RALGPS1: variants seen among roughly 807,000 people sequenced by gnomAD.
RALGPS1 encodes the protein ras-specific guanine nucleotide-releasing factor RalGPS1.
Under a neutral mutation model 78.8 loss-of-function variants are expected in RALGPS1, and 19 were observed. That is an observed-to-expected ratio of 0.24 (90% confidence interval 0.17 to 0.35). The LOEUF (loss-of-function observed/expected upper bound fraction) is 0.35. Among genes scored for constraint, RALGPS1 ranks in the 10% least tolerant of loss-of-function variants. The pLI is 1.00. For synonymous variants in RALGPS1, 228 were observed against 256.3 expected (o/e 0.89, Z 1.06); for missense variants, 454 against 688.3 (o/e 0.66, Z 3.81).
chr9:127,050,697 ATC>A (rs2048231948), intron 6 of RALGPS1, among the ~76,000 whole-genome samples: 3 of 150,548 alleles, frequency 2.0e-5, no homozygotes, highest in Non-Finnish European at 4.4e-5. Context: ...CTTTTCCCTT[ATC>A]TCTAGGAATG....
At chr9:126,994,279 GA>G (rs60890580) in intron 4 of RALGPS1, among the ~76,000 whole-genome samples, 88,772 of 151,536 alleles carry the variant, frequency 0.59, 30,081 homozygotes, top group East Asian at 0.81. Flanking sequence ...TAAAAGCTTT[GA>G]AAAAAAAATT....
intron 7 of RALGPS1, among the ~76,000 whole-genome samples, chr9:127,058,892 C>G (rs1436505943): frequency 1.3e-5 from 2 of 152,200 alleles, no homozygotes; most frequent in Non-Finnish European, 2.9e-5. Flanking sequence ...AAGAGTTTGA[C>G]TCATTTGCAG....
intron 11 of RALGPS1, among the ~76,000 whole-genome samples, 174 bp from the exon 12 acceptor site, chr9:127,194,917 A>G (rs1275324669): frequency 6.6e-6 from 1 of 152,158 alleles, no homozygotes; most frequent in Non-Finnish European, 1.5e-5. Context: ...TGAAGGATCA[A>G]TATCTAATGA....
At chr9:127,018,777 A>C (rs929279617) in intron 4 of RALGPS1, among the ~76,000 whole-genome samples, 2 of 152,090 alleles carry the variant, frequency 1.3e-5, no homozygotes, top group Non-Finnish European at 2.9e-5. Context: ...CCTTTATGTG[A>C]CTGGTAGCAC....
At chr9:127,124,125 C>G (rs1214860860) in intron 8 of RALGPS1, among the ~76,000 whole-genome samples, 2 of 152,184 alleles carry the variant, frequency 1.3e-5, no homozygotes, top group African/African-American at 2.4e-5. Flanking sequence ...GACACTTCAC[C>G]CATGGAGCGG....
intron 9 of RALGPS1, among the ~76,000 whole-genome samples, chr9:127,167,939 C>G (rs915685751): frequency 7.9e-5 from 12 of 152,240 alleles, no homozygotes; most frequent in Non-Finnish European, 1.6e-4. Context: ...ACGGGCAACA[C>G]CGTGTGGCAG....
intron 5 of RALGPS1, among the ~76,000 whole-genome samples, chr9:127,038,481 G>A (rs960572148): frequency 2.0e-5 from 3 of 152,198 alleles, no homozygotes; most frequent in African/African-American, 7.2e-5. Flanking sequence ...GGGAGACAAT[G>A]TTAGCATTCT....
chr9:126,920,092 T>C (rs548976361), intron 1 of RALGPS1, among the ~76,000 whole-genome samples: 84 of 152,256 alleles, frequency 5.5e-4, no homozygotes, highest in African/African-American at 2.0e-3. Flanking sequence ...CCTGTGTCTC[T>C]ACTCTGCACA....
chr9:127,080,658 T>C (rs1415715560), intron 8 of RALGPS1, among the ~76,000 whole-genome samples: 4 of 152,250 alleles, frequency 2.6e-5, no homozygotes, highest in Admixed American at 6.5e-5. Flanking sequence ...GGGCAACGTG[T>C]TGGATATCGC....
rs570324618 is a variant in RALGPS1, at chr9:126,977,551, C to T, written c.166-144C>T. ...TGGGAGAGGCATTTCAGAAATGTAT[C>T]CAATTTTTTACTCTATTTGGTCTTG... On this transcript the variant is annotated intron_variant, in intron 3 of 18. Transcript: ENST00000259351. 243 of 447,098 alleles carry T rather than the reference C, an allele frequency of 5.4e-4. 1 individual carries two copies. Among genetic ancestry groups the T allele is most frequent in the Non-Finnish European group, 7.0e-4 (180 of 257,700 alleles). The allele number at this position is 447,098 out of a possible 1,614,324, so 27.7% of individuals were successfully genotyped here. A position where few individuals can be genotyped will look rare whatever the true frequency, so the allele number is the denominator to read the frequency against.
chr9:127,180,525 G>A (rs1364900743), intron 11 of RALGPS1, among the ~76,000 whole-genome samples: 2 of 152,246 alleles, frequency 1.3e-5, no homozygotes, highest in Non-Finnish European at 2.9e-5. Context: ...TGGAGAAATA[G>A]GAATAGGAAT....
chr9:127,048,552 G>A (rs948210138), intron 5 of RALGPS1, among the ~76,000 whole-genome samples: 2 of 152,162 alleles, frequency 1.3e-5, no homozygotes, highest in Non-Finnish European at 2.9e-5. Flanking sequence ...CTGCTGAATC[G>A]AGTTGTTGAC....
chr9:127,067,475 A>G (rs371032013), intron 7 of RALGPS1, among the ~76,000 whole-genome samples: 26 of 152,296 alleles, frequency 1.7e-4, no homozygotes, highest in East Asian at 1.5e-3. Context: ...GGCCTGCCCA[A>G]AGCAGCCCAG....
chr9:126,924,004 A>C (rs1318431866), intron 1 of RALGPS1, among the ~76,000 whole-genome samples: 1 of 152,216 alleles, frequency 6.6e-6, no homozygotes, highest in Non-Finnish European at 1.5e-5. Flanking sequence ...TATCACATAT[A>C]GTGTCCGTCT....
At chr9:127,054,932 T>G (rs2135455609) in intron 7 of RALGPS1, among the ~76,000 whole-genome samples, 1 of 151,906 alleles carries the variant, frequency 6.6e-6, no homozygotes, top group South Asian at 2.1e-4. Flanking sequence ...GAACTATGAT[T>G]ATGCCACTGC....
chr9:127,093,728 C>A, intron 8 of RALGPS1: 1 of 1,613,784 alleles, frequency 6.2e-7, no homozygotes, highest in Non-Finnish European at 8.5e-7. Flanking sequence ...CCTGCCGAGT[C>A]TCACCTTGTA....
At chr9:127,142,840 T>C (rs1280130591) in intron 8 of RALGPS1, among the ~76,000 whole-genome samples, 1 of 152,222 alleles carries the variant, frequency 6.6e-6, no homozygotes, top group Non-Finnish European at 1.5e-5. Flanking sequence ...TATGTGGTTA[T>C]GTTGCTACTC....
At chr9:126,934,661 G>GT (rs1231779749) in intron 1 of RALGPS1, among the ~76,000 whole-genome samples, 1 of 152,134 alleles carries the variant, frequency 6.6e-6, no homozygotes, top group Admixed American at 6.5e-5. Context: ...CCTGTCAACG[G>GT]TTTTTTAACT....
chr9:127,089,398 G>T (rs941918768), intron 8 of RALGPS1, among the ~76,000 whole-genome samples: 4 of 152,200 alleles, frequency 2.6e-5, no homozygotes, highest in African/African-American at 9.6e-5. Flanking sequence ...TGTAAAATGA[G>T]AATAAAAATG....
Sources: allele counts gnomAD v4.1 joint callset (sites outside exome capture counted in the v4.1 genomes callset), GRCh38; gene constraint gnomAD v4.1.1; transcripts MANE v1.5; gene names NCBI Gene and HGNC (gene_info 2026-07-23, HGNC 2026-07-21).